The following CPNE5 variants were observed in gnomAD, a reference collection of about 807,000 sequenced individuals.
The protein encoded by CPNE5 is copine-5.
A neutral mutation model predicts 81.1 loss-of-function variants in CPNE5; 42 were observed. The ratio of observed to expected loss-of-function variants is 0.52; its 90% CI spans 0.40 to 0.67. The LOEUF (loss-of-function observed/expected upper bound fraction) is 0.67, where lower values mean the gene tolerates loss of function less well. Ranked by LOEUF, CPNE5 falls within the 30% of genes least tolerant of loss-of-function variation. The probability of loss-of-function intolerance (pLI) is 0.00; values close to 1 mark genes in which losing one functional copy is unlikely to be tolerated. For missense variants in CPNE5, 612 were observed against 815.5 expected (o/e 0.75, Z 3.04); for synonymous variants, 313 against 321.5 (o/e 0.97, Z 0.28).
At chr6:36,779,051 C>T in intron 8 of CPNE5, 94 bp from the exon 9 acceptor site, 1 of 843,286 alleles carries the variant, frequency 1.2e-6, no homozygotes, top group South Asian at 1.5e-5. Flanking sequence ...AGGCACCAGC[C>T]CTGGTTGGAA....
Position 36,771,082 on chromosome 6 carries a change from C to T in CPNE5, c.737+3879G>A, listed in dbSNP as rs564465388. Reference sequence around the variant, plus strand: ...CTCTTCCTTCTTGCTGTTCCCCTCTCCTCTCCCCTCTGAATTATTTGGTAT... The same window carrying T: ...CTCTTCCTTCTTGCTGTTCCCCTCTTCTCTCCCCTCTGAATTATTTGGTAT... On this transcript the variant is annotated intron_variant, in intron 10 of 20. Coordinates refer to ENST00000244751, the MANE Select transcript of CPNE5 (RefSeq NM_020939.2). Among the ~76,000 whole-genome samples, 157 of 152,210 alleles carry T rather than the reference C, an allele frequency of 1.0e-3. No individual in the cohort carries two copies. In the Middle Eastern group the frequency reaches 0.02, roughly 20 times the overall value.
At chr6:36,772,776 C>T (rs1767151047) in intron 10 of CPNE5, among the ~76,000 whole-genome samples, 2 of 152,248 alleles carry the variant, frequency 1.3e-5, no homozygotes, top group Non-Finnish European at 2.9e-5. Flanking sequence ...ATCATCCCCT[C>T]AACATGCCTT....
At chr6:36,779,717 C>T (rs236417) in intron 8 of CPNE5, among the ~76,000 whole-genome samples, 17,985 of 152,266 alleles carry the variant, frequency 0.12, 1,139 homozygotes, top group Middle Eastern at 0.22. Flanking sequence ...TGACCCAACA[C>T]GCAGAGGTGT....
Position 36,742,112 on chromosome 6 carries a change from TGAG to T in CPNE5, c.*153_*155del. 1.7e-6 allele frequency: 1 copy of T among 584,312 alleles called. No individual in the cohort carries two copies. Among genetic ancestry groups the T allele is most frequent in the East Asian group, 3.0e-5 (1 of 33,752 alleles). The allele number at this position is 584,312 out of a possible 1,614,324, so 36.2% of individuals were successfully genotyped here. A position where few individuals can be genotyped will look rare whatever the true frequency, so the allele number is the denominator to read the frequency against. ...TGGGCAATAAGTGAGGCCAAGAAAT[TGAG>T]GAGGGGTCTTCAGAAGCCCCACCCC... On this transcript the variant is annotated 3_prime_UTR_variant, in exon 21 of 21. Transcript: ENST00000244751.
At chr6:36,773,804 CA>C (rs1767253346) in intron 10 of CPNE5, among the ~76,000 whole-genome samples, 1 of 152,132 alleles carries the variant, frequency 6.6e-6, no homozygotes, top group Non-Finnish European at 1.5e-5. Context: ...AATCTACACT[CA>C]AATGATGATG....
intron 3 of CPNE5, among the ~76,000 whole-genome samples, chr6:36,817,477 C>T (rs1415882556): frequency 3.9e-5 from 6 of 152,144 alleles, no homozygotes; most frequent in African/African-American, 1.4e-4. Context: ...TCTACGGACC[C>T]TTCTGCTCTG....
At chr6:36,758,211 G>A (rs1765675686) in intron 12 of CPNE5, among the ~76,000 whole-genome samples, 1 of 152,172 alleles carries the variant, frequency 6.6e-6, no homozygotes, top group South Asian at 2.1e-4. Flanking sequence ...AAAGGTATGA[G>A]GATTAAATGG....
In CPNE5 at chr6:36,746,065, G is replaced by T; in HGVS notation, c.1200+331C>A. ...CATCCCATCTCAGCACTGACTCAGGGATACCCAACCCACACCACCTTGTTC... is the reference window on the plus strand; with the variant it reads ...CATCCCATCTCAGCACTGACTCAGGTATACCCAACCCACACCACCTTGTTC... On this transcript the variant is annotated intron_variant, in intron 16 of 20. Coordinates refer to ENST00000244751, the MANE Select transcript of CPNE5 (RefSeq NM_020939.2). This position sits in a 1 kb window ranked among gnomAD's most constrained non-coding sequence, Gnocchi z 4.5. The T allele has an allele frequency of 1.6e-6, 1 of 611,960 alleles. No homozygotes were observed. Among genetic ancestry groups the T allele is most frequent in the Non-Finnish European group, 2.0e-6 (1 of 488,872 alleles). 37.9% of individuals were successfully genotyped at this position (611,960 alleles called of 1,614,324 possible). A position where few individuals can be genotyped will look rare whatever the true frequency, so the allele number is the denominator to read the frequency against.
intron 10 of CPNE5, among the ~76,000 whole-genome samples, chr6:36,767,718 A>T (rs1766685535): frequency 6.6e-6 from 1 of 152,226 alleles, no homozygotes; most frequent in Admixed American, 6.5e-5. Context: ...CCACAAAATC[A>T]CTGGGGAAAA....
intron 8 of CPNE5, among the ~76,000 whole-genome samples, chr6:36,783,193 G>C (rs1768197378): frequency 6.6e-6 from 1 of 152,028 alleles, no homozygotes; most frequent in Non-Finnish European, 1.5e-5. Context: ...GCACACAGAG[G>C]GGAACAACAC....
rs1764194218 is a variant in CPNE5 at position 36,746,598 on chromosome 6, G to A, written c.1019-21C>T. ...GTTCCCTGTAACACAGGACATGGGA[G>A]CCTTTGACCATCTGGACCCTCCAAG... On this transcript the variant is annotated intron_variant, in intron 15 of 20. Transcript: ENST00000244751. This position sits in a 1 kb window ranked among gnomAD's most constrained non-coding sequence, Gnocchi z 4.5. The A allele has an allele frequency of 1.9e-6, 3 of 1,600,676 alleles. No homozygotes were observed. Among genetic ancestry groups the A allele is most frequent in the South Asian group, 2.2e-5 (2 of 89,028 alleles).
chr6:36,771,842 G>A (rs1767064607), intron 10 of CPNE5, among the ~76,000 whole-genome samples: 2 of 152,048 alleles, frequency 1.3e-5, no homozygotes, highest in Non-Finnish European at 2.9e-5. Flanking sequence ...GGGGCGGGGG[G>A]ATAGGCCTGA....
chr6:36,828,738 G>A (rs113936259), intron 1 of CPNE5, among the ~76,000 whole-genome samples: 1 of 152,300 alleles, frequency 6.6e-6, no homozygotes, highest in South Asian at 2.1e-4. Flanking sequence ...TCAAGAAAAG[G>A]TGGTGTATCT....
chr6:36,791,970 C>A, intron 8 of CPNE5, 63 bp downstream of exon 8: 2 of 1,442,590 alleles, frequency 1.4e-6, no homozygotes, highest in Non-Finnish European at 2.0e-6. Context: ...CTCAGGGAGG[C>A]CAGCCTGCAC....
chr6:36,753,332 G>A (rs1228432284), intron 13 of CPNE5, among the ~76,000 whole-genome samples: 1 of 152,274 alleles, frequency 6.6e-6, no homozygotes, highest in African/African-American at 2.4e-5. Flanking sequence ...GCAGAGAAGG[G>A]ATCTGAAACC....
intron 12 of CPNE5, among the ~76,000 whole-genome samples, chr6:36,762,483 C>A (rs1766145031): frequency 1.3e-5 from 2 of 152,188 alleles, no homozygotes; most frequent in African/African-American, 4.8e-5. Flanking sequence ...TGACCTCATT[C>A]TCTTGAAGTT....
chr6:36,770,842 A>G (rs149816967), intron 10 of CPNE5, among the ~76,000 whole-genome samples: 29 of 152,288 alleles, frequency 1.9e-4, no homozygotes, highest in Non-Finnish European at 3.8e-4. Flanking sequence ...CATAATCTTT[A>G]TAACTTAAGA....
In CPNE5 at chr6:36,798,038, T is replaced by A. The variant is rs1203997674; in HGVS notation, c.404+127A>T. 8.5e-6 allele frequency: 6 copies of A among 706,748 alleles called. No individual in the cohort carries two copies. The Middle Eastern group carries it at 1.2e-3, about 139-fold the overall frequency. 43.8% of individuals were successfully genotyped at this position (706,748 alleles called of 1,614,324 possible). A position where few individuals can be genotyped will look rare whatever the true frequency, so the allele number is the denominator to read the frequency against. On this transcript the variant is annotated intron_variant, in intron 6 of 20. Transcript: ENST00000244751. Reference sequence around the variant, plus strand: ...TGAGAGCAGTGAGGCATGGGGTCTCTTTATTCCTAATAACCCTGCAGATGC... The same window carrying A: ...TGAGAGCAGTGAGGCATGGGGTCTCATTATTCCTAATAACCCTGCAGATGC...
At chr6:36,770,550 A>C (rs982547991) in intron 10 of CPNE5, among the ~76,000 whole-genome samples, 1 of 152,028 alleles carries the variant, frequency 6.6e-6, no homozygotes, top group Non-Finnish European at 1.5e-5. Flanking sequence ...CTCTTCTCAC[A>C]ATAGGAGGGA....
Sources: allele counts gnomAD v4.1 joint callset (sites outside exome capture counted in the v4.1 genomes callset), GRCh38; gene constraint gnomAD v4.1.1; non-coding constraint Gnocchi (gnomAD v3.1); transcripts MANE v1.5; gene names NCBI Gene and HGNC (gene_info 2026-07-23, HGNC 2026-07-21).